Variants in IGF1 observed in about 807,000 individuals in gnomAD.
The protein encoded by IGF1 is insulin-like growth factor 1.
Under a neutral mutation model 13.8 loss-of-function variants are expected in IGF1, and 4 were observed. The observed-to-expected ratio is 0.29, with a 90% confidence interval of 0.14 to 0.66. IGF1 has a LOEUF of 0.66. Ranked by LOEUF, IGF1 falls within the 30% of genes least tolerant of loss-of-function variation. The probability of loss-of-function intolerance (pLI) is 0.78; values close to 1 mark genes in which losing one functional copy is unlikely to be tolerated. For synonymous variants in IGF1, 76 were observed against 72.6 expected (o/e 1.05, Z -0.23); for missense variants, 124 against 188.5 (o/e 0.66, Z 2.00).
chr12:102,452,000 CG>C (rs1301108073), intron 2 of IGF1, among the ~76,000 whole-genome samples: 1 of 152,096 alleles, frequency 6.6e-6, no homozygotes, highest in Non-Finnish European at 1.5e-5. Context: ...CGGTGGCTCA[CG>C]CCTGTAATCC....
chr12:102,407,094 C>CAAAAAAAAAAAAAAAAAAAAA (rs57468885), intron 3 of IGF1, among the ~76,000 whole-genome samples: 5 of 100,982 alleles, frequency 5.0e-5, no homozygotes, highest in Non-Finnish European at 7.5e-5. Context: ...ACTCTGTCTC[C>CAAAAAAAAAAAAAAAAAAAAA]AAAAAAAAAA....
chr12:102,476,411 G>A (rs1881045122), intron 1 of IGF1, among the ~76,000 whole-genome samples: 1 of 56,750 alleles, frequency 1.8e-5, no homozygotes, highest in Non-Finnish European at 3.2e-5. Flanking sequence ...TCCTCAATAT[G>A]AGAGAGAGAG....
At chr12:102,474,167 G>T (rs1414406947) in intron 2 of IGF1, among the ~76,000 whole-genome samples, 1 of 152,200 alleles carries the variant, frequency 6.6e-6, no homozygotes, top group Non-Finnish European at 1.5e-5. Flanking sequence ...ATCATGTGAT[G>T]TCCCACAGTT....
intron 3 of IGF1, among the ~76,000 whole-genome samples, chr12:102,408,389 G>A (rs1170412978): frequency 1.3e-5 from 2 of 152,172 alleles, no homozygotes; most frequent in Non-Finnish European, 2.9e-5. Context: ...CTGGCAGCCA[G>A]GCAAAGCGAG....
intron 3 of IGF1, among the ~76,000 whole-genome samples, chr12:102,407,711 G>A (rs1384063421): frequency 6.6e-6 from 1 of 152,134 alleles, no homozygotes; most frequent in Non-Finnish European, 1.5e-5. Flanking sequence ...CCAGATGGGG[G>A]TAGATGCTAG....
chr12:102,422,923 A>G (rs1235111796), intron 2 of IGF1: 1 of 152,210 alleles, frequency 6.6e-6, no homozygotes, highest in Non-Finnish European at 1.5e-5. Context: ...CAAGTGTTAC[A>G]TATGGGACAG....
At chr12:102,415,252 CCATT>C (rs1477220628) in intron 3 of IGF1, among the ~76,000 whole-genome samples, 4 of 109,418 alleles carry the variant, frequency 3.7e-5, no homozygotes, top group African/African-American at 6.8e-5. Context: ...ATCCAACCAT[CCATT>C]CATCCATCCA....
chr12:102,459,823 C>G (rs189587784), intron 2 of IGF1, among the ~76,000 whole-genome samples: 1 of 152,260 alleles, frequency 6.6e-6, no homozygotes, highest in Non-Finnish European at 1.5e-5. Flanking sequence ...CTATACAGTT[C>G]TATAAAGATG....
intron 2 of IGF1, among the ~76,000 whole-genome samples, chr12:102,433,603 C>A (rs1876939740): frequency 6.6e-6 from 1 of 152,060 alleles, no homozygotes; most frequent in African/African-American, 2.4e-5. Flanking sequence ...GAAGACTGGC[C>A]TATTCTTTCC....
At chr12:102,480,588 T>C, upstream of IGF1, 1 of 1,412,636 alleles carries the variant, frequency 7.1e-7, no homozygotes. Context: ...AATCCTCACA[T>C]TTATCTACAA....
At chr12:102,437,000 C>A (rs982204773) in intron 2 of IGF1, among the ~76,000 whole-genome samples, 3 of 152,246 alleles carry the variant, frequency 2.0e-5, no homozygotes, top group East Asian at 3.8e-4. Flanking sequence ...TTCCTCCAGG[C>A]CCCTGTTTCC....
intron 2 of IGF1, among the ~76,000 whole-genome samples, chr12:102,449,326 A>G (rs1285017679): frequency 4.6e-5 from 7 of 151,574 alleles, no homozygotes; most frequent in Admixed American, 2.6e-4. Flanking sequence ...TTTCTCACTC[A>G]TAAGTGTGAG....
intron 2 of IGF1, among the ~76,000 whole-genome samples, chr12:102,441,906 G>GCTGCTGCTGCTTCCTCTTCTT: frequency 1.0e-5 from 1 of 100,292 alleles, no homozygotes; most frequent in Non-Finnish European, 2.1e-5. Flanking sequence ...CTATTACACT[G>GCTGCTGCTGCTTCCTCTTCTT]CTTCTTCTCC....
chr12:102,449,387 G>A lies in IGF1; in HGVS notation c.220+26256C>T, dbSNP rs1394826359. On this transcript the variant is annotated intron_variant, in intron 2 of 3. Coordinates refer to ENST00000337514, the MANE Select transcript of IGF1 (RefSeq NM_000618.5). Reference sequence around the variant, plus strand: ...AGGGAGGGGAACATCACACAGTGGGGCCAGTCGGGGGGTGGGGGCAAGGGA... The same window carrying A: ...AGGGAGGGGAACATCACACAGTGGGACCAGTCGGGGGGTGGGGGCAAGGGA... Among the ~76,000 whole-genome samples, 4 of 149,924 alleles carry A rather than the reference G, an allele frequency of 2.7e-5. No homozygotes were observed. In the East Asian group the frequency reaches 7.9e-4, roughly 30 times the overall value.
chr12:102,458,488 G>A (rs1306074321), intron 2 of IGF1, among the ~76,000 whole-genome samples: 2 of 152,102 alleles, frequency 1.3e-5, no homozygotes, highest in African/African-American at 2.4e-5. Flanking sequence ...TGAAAATACC[G>A]AAAAGTCCAT....
intron 3 of IGF1, among the ~76,000 whole-genome samples, chr12:102,409,685 C>A (rs1874467439): frequency 6.6e-6 from 1 of 152,092 alleles, no homozygotes. Flanking sequence ...TTGGATTCTG[C>A]TTGACCGCTT....
intron 2 of IGF1, among the ~76,000 whole-genome samples, chr12:102,442,045 G>C (rs553215453): frequency 6.6e-6 from 1 of 151,190 alleles, no homozygotes; most frequent in East Asian, 1.9e-4. Context: ...AACCTCTCAG[G>C]CTCAAGAGAT....
chr12:102,452,416 G>A (rs1236030016), intron 2 of IGF1, among the ~76,000 whole-genome samples: 1 of 152,088 alleles, frequency 6.6e-6, no homozygotes, highest in Admixed American at 6.5e-5. Flanking sequence ...ATAGCAGTGT[G>A]AGAATGGACT....
chr12:102,433,751 A>G lies in IGF1; in HGVS notation c.221-14061T>C, dbSNP rs1213959436. Among the ~76,000 whole-genome samples, 3 of 152,190 alleles carry G rather than the reference A, an allele frequency of 2.0e-5. No individual in the cohort carries two copies. The East Asian group carries it at 5.8e-4, about 29-fold the overall frequency. ...ACAAGTTGGGTGCACAAACGGTACA[A>G]AGAGAGAAGCAATAGAAGAAATTTG... On this transcript the variant is annotated intron_variant, in intron 2 of 3. Coordinates refer to ENST00000337514, the MANE Select transcript of IGF1 (RefSeq NM_000618.5).
Sources: gnomAD v4.1 joint callset for allele counts (sites outside exome capture counted in the v4.1 genomes callset) on GRCh38, gnomAD v4.1.1 for gene constraint, MANE v1.5 for transcripts, NCBI Gene and HGNC (gene_info 2026-07-23, HGNC 2026-07-21) for gene names.